WDR19: variants seen among roughly 807,000 people sequenced by gnomAD.
WDR19 encodes WD repeat domain 19, also known as WD repeat-containing protein 19.
WDR19 carries 121 observed loss-of-function variants against 180.0 expected under a neutral mutation model. The ratio of observed to expected loss-of-function variants is 0.67; its 90% CI spans 0.58 to 0.78. WDR19 has a LOEUF of 0.78. Ranked by LOEUF, WDR19 falls within the 30% of genes least tolerant of loss-of-function variation. The pLI, the probability that WDR19 is intolerant of heterozygous loss-of-function variation, is 0.00. For synonymous variants in WDR19, 497 were observed against 540.7 expected, an observed-to-expected ratio of 0.92 and a Z score of 1.12; for missense variants, 1,450 against 1,640.7, an observed-to-expected ratio of 0.88 and a Z score of 2.01.
Position 39,253,907 on chromosome 4 carries a change from T to G in WDR19, c.2878T>G (p.Phe960Val). The G allele has an allele frequency of 6.3e-7, 1 of 1,594,988 alleles. No homozygotes were observed. Among genetic ancestry groups the G allele is most frequent in the Non-Finnish European group, 8.5e-7 (1 of 1,170,748 alleles). Reference sequence around the variant, plus strand: ...GCTAATTAAAGTACTTTGCTTTAGGTTTTTTCTACAGCTTGGTGACTATGG... The same window carrying G: ...GCTAATTAAAGTACTTTGCTTTAGGGTTTTTCTACAGCTTGGTGACTATGG... Reference protein sequence around the residue: ...SLDGAKMVARFFLQLGDYGSA... With the variant: ...SLDGAKMVARVFLQLGDYGSA... The change falls in exon 26 of 37, where the codon TTT becomes GTT. Residue 960 changes from phenylalanine to valine, a missense_variant and splice_region_variant. Transcript: ENST00000399820.
intron 4 of WDR19, among the ~76,000 whole-genome samples, chr4:39,194,085 A>G (rs1015093230): frequency 6.6e-5 from 10 of 152,130 alleles, no homozygotes; most frequent in African/African-American, 2.4e-4. Context: ...CTTTTGAGCT[A>G]CTCTTAATGG....
chr4:39,251,291 A>G (rs1020133335), intron 24 of WDR19, among the ~76,000 whole-genome samples: 2 of 152,208 alleles, frequency 1.3e-5, no homozygotes, highest in African/African-American at 4.8e-5. Flanking sequence ...GGTGCTGGGA[A>G]AACTGGCTAG....
chr4:39,237,232 A>G (rs1731473547), intron 20 of WDR19, among the ~76,000 whole-genome samples: 1 of 152,184 alleles, frequency 6.6e-6, no homozygotes. Flanking sequence ...ATACTGACAC[A>G]TAAATTCGTG....
Position 39,274,821 on chromosome 4 carries a change from C to G in WDR19, c.3579C>G (p.Ile1193Met), listed in dbSNP as rs368286694. 5.6e-6 allele frequency: 9 copies of G among 1,613,590 alleles called. 1 individual carries two copies. The South Asian group carries it at 6.6e-5, about 12-fold the overall frequency. ...TTTCTCTTGCAGACATTGTACCCAT[C>G]CTGACGTCAACTGTGATTGAGTGTC... ...ISKFPSHIVPILTSTVIECHR... is the reference protein window; with the variant it reads ...ISKFPSHIVPMLTSTVIECHR... Residue 1193 changes from isoleucine (I) to methionine (M), a missense_variant, in exon 33 of 37, where the codon ATC (isoleucine) becomes ATG (methionine). Ile to Met is a conservative substitution (Grantham distance 10). Transcript: ENST00000399820.
rs1167602972 is a variant in WDR19 at position 39,281,215 on chromosome 4, G to GTGTGTGTGTGTGTGTGTATATATA, written c.*13+2553_*13+2554insGTGTGTGTGTGTGTGTATATATAT. On this transcript the variant is annotated intron_variant, in intron 36 of 36. Coordinates refer to ENST00000399820, the MANE Select transcript of WDR19 (RefSeq NM_025132.4). ...TTGTCCTAAATATATATGTGTGTGT[G>GTGTGTGTGTGTGTGTGTATATATA]TATATATATATATATATATATAGAG... is the stretch of plus-strand genomic sequence containing the variant. Among the ~76,000 whole-genome samples the GTGTGTGTGTGTGTGTGTATATATA allele has an allele frequency of 8.2e-5, 9 of 110,136 alleles. 2 individuals carry two copies. The highest frequency in any genetic ancestry group is 3.0e-4 in the African/African-American group (7 of 23,512). The allele number at this position is 110,136 out of a possible 152,430, so 72.3% of individuals were successfully genotyped here.
At chr4:39,252,324 C>T (rs1381016281) in intron 24 of WDR19, among the ~76,000 whole-genome samples, 9 of 128,616 alleles carry the variant, frequency 7.0e-5, no homozygotes, top group Non-Finnish European at 9.3e-5. Context: ...CACATAGACA[C>T]AGGAAGGGGA....
chr4:39,203,112 C>CTTT (rs553565048), intron 6 of WDR19, among the ~76,000 whole-genome samples: 1 of 135,680 alleles, frequency 7.4e-6, no homozygotes, highest in Admixed American at 7.4e-5. Flanking sequence ...CTTTTTCTTT[C>CTTT]TTTTTTTTTT....
chr4:39,225,281 C>G (rs1463237908), intron 15 of WDR19, among the ~76,000 whole-genome samples: 2 of 152,124 alleles, frequency 1.3e-5, no homozygotes, highest in African/African-American at 2.4e-5. Context: ...TTATTATATC[C>G]TAAACCACTT....
chr4:39,283,602 T>TAC (rs1052170792), intron 36 of WDR19, among the ~76,000 whole-genome samples: 2 of 151,878 alleles, frequency 1.3e-5, no homozygotes, highest in East Asian at 1.9e-4. Flanking sequence ...ATTATATATA[T>TAC]ACACACACAC....
intron 5 of WDR19, among the ~76,000 whole-genome samples, chr4:39,198,652 G>C (rs1204265010): frequency 6.6e-6 from 1 of 152,154 alleles, no homozygotes; most frequent in Non-Finnish European, 1.5e-5. Flanking sequence ...CATCGCTTGA[G>C]CTCAGGAGTT....
intron 25 of WDR19, 82 bp from the exon 26 acceptor site, chr4:39,253,824 T>C: frequency 7.8e-7 from 1 of 1,286,608 alleles, no homozygotes; most frequent in Non-Finnish European, 1.1e-6. Flanking sequence ...TTTTGATTTT[T>C]AAATGGTTTC....
chr4:39,236,838 T>C (rs545462190), intron 20 of WDR19, among the ~76,000 whole-genome samples: 1 of 152,340 alleles, frequency 6.6e-6, no homozygotes, highest in South Asian at 2.1e-4. Context: ...GTGATCTTAA[T>C]TGCTAGACCC....
intron 36 of WDR19, among the ~76,000 whole-genome samples, chr4:39,279,075 C>G (rs1457990741): frequency 6.6e-6 from 1 of 152,114 alleles, no homozygotes; most frequent in Non-Finnish European, 1.5e-5. Flanking sequence ...ATTTTTGTCA[C>G]GTGGAAGCTA....
At chr4:39,249,770 A>C (rs1176560652) in intron 24 of WDR19, among the ~76,000 whole-genome samples, 2 of 152,320 alleles carry the variant, frequency 1.3e-5, no homozygotes, top group East Asian at 1.9e-4. Flanking sequence ...TCCTCGACAC[A>C]TACACTCCCC....
chr4:39,219,676 G>C (rs1007171451), intron 14 of WDR19, among the ~76,000 whole-genome samples: 1 of 152,074 alleles, frequency 6.6e-6, no homozygotes, highest in Non-Finnish European at 1.5e-5. Flanking sequence ...TCTCTAATGC[G>C]TGCATTTAGT....
intron 7 of WDR19, among the ~76,000 whole-genome samples, chr4:39,204,875 G>C (rs1158478034): frequency 6.6e-6 from 1 of 152,148 alleles, no homozygotes; most frequent in Admixed American, 6.5e-5. Flanking sequence ...GTAGTGTGCA[G>C]TACTCTAATG....
At chr4:39,202,825 T>C (rs1384495813) in intron 6 of WDR19, among the ~76,000 whole-genome samples, 5 of 152,094 alleles carry the variant, frequency 3.3e-5, no homozygotes, top group African/African-American at 9.7e-5. Context: ...ATCTGCTAAC[T>C]CCTTCTCTTG....
At chr4:39,234,684 GT>G in intron 19 of WDR19, 81 bp from the exon 20 acceptor site, 1 of 843,848 alleles carries the variant, frequency 1.2e-6, no homozygotes, top group Non-Finnish European at 2.0e-6. Flanking sequence ...TTTGTAATTA[GT>G]TTTATTAAAA....
chr4:39,270,409 C>T (rs964102550), intron 31 of WDR19, among the ~76,000 whole-genome samples: 1 of 152,138 alleles, frequency 6.6e-6, no homozygotes. Context: ...CGACGTCTTG[C>T]TCTTTACCCA....
Sources: allele counts gnomAD v4.1 joint callset (sites outside exome capture counted in the v4.1 genomes callset), GRCh38; gene constraint gnomAD v4.1.1; transcripts MANE v1.5; gene names NCBI Gene and HGNC (gene_info 2026-07-23, HGNC 2026-07-21).